The following SV2C variants were observed in gnomAD, a reference collection of about 807,000 sequenced individuals.
SV2C encodes solute carrier family 22 member B3.
Under a neutral mutation model 79.7 loss-of-function variants are expected in SV2C, and 49 were observed. The observed-to-expected ratio is 0.61, with a 90% confidence interval of 0.49 to 0.78. SV2C has a LOEUF of 0.78. Ranked by LOEUF, SV2C falls within the 30% of genes least tolerant of loss-of-function variation. The probability of loss-of-function intolerance (pLI) is 0.00; values close to 1 mark genes in which losing one functional copy is unlikely to be tolerated. For missense variants in SV2C, 833 were observed against 912.9 expected, an observed-to-expected ratio of 0.91 and a Z score of 1.13; for synonymous variants, 334 against 333.2, an observed-to-expected ratio of 1.00 and a Z score of -0.03.
chr5:76,275,804 T>C (rs1036322521), intron 4 of SV2C, among the ~76,000 whole-genome samples: 2 of 152,232 alleles, frequency 1.3e-5, no homozygotes, highest in Non-Finnish European at 1.5e-5. Flanking sequence ...TTCTGTAAAA[T>C]TGAGATCCTT....
rs115569927 is a variant in SV2C, at chr5:76,167,890, C to G, written c.581-27029C>G. The stretch of plus-strand genomic sequence containing the variant: ...ACCCTTTTTTAGTCCTAAAATGATA[C>G]AGGAAAGTCAGGAGCTCAGTATGTG... On this transcript the variant is annotated intron_variant, in intron 2 of 12. Transcript: ENST00000502798. Among the ~76,000 whole-genome samples the G allele has an allele frequency of 9.8e-3, 1,495 of 152,234 alleles. 21 individuals carry two copies. The highest frequency in any genetic ancestry group is 0.034 in the African/African-American group (1,396 of 41,540).
chr5:75,980,022 A>G, the SV2C span, among the ~76,000 whole-genome samples: 3 of 152,218 alleles, frequency 2.0e-5, no homozygotes, highest in African/African-American at 4.8e-5. Context: ...AACACGATCA[A>G]TATGATAAGG....
chr5:75,925,688 A>G, the SV2C span, among the ~76,000 whole-genome samples: 8 of 152,248 alleles, frequency 5.3e-5, no homozygotes, highest in Admixed American at 3.3e-4. Flanking sequence ...GTTCCTCTTT[A>G]ATATTTTCTA....
chr5:76,245,717 G>A (rs1289048266), intron 4 of SV2C, among the ~76,000 whole-genome samples: 1 of 152,142 alleles, frequency 6.6e-6, no homozygotes, highest in African/African-American at 2.4e-5. Context: ...TTGAAATTGG[G>A]AGCGAATTGC....
rs1189181067 is a variant in SV2C at position 76,300,874 on chromosome 5, G to A, written c.1782G>A (p.Leu594=). 3 of 1,614,118 alleles carry A rather than the reference G, an allele frequency of 1.9e-6. No homozygotes were observed. In the South Asian group the frequency reaches 3.3e-5, roughly 18 times the overall value. The change falls in exon 11 of 13, where the codon TTG becomes TTA. Residue 594 remains leucine, a synonymous_variant. Transcript: ENST00000502798. ...FVNFLGTLAV[L]PGNIVSALLM... ...ACTTTCTGGGGACATTGGCAGTATTGCCAGGGAACATTGTGTCTGCTCTGC... is the reference window on the plus strand; with the variant it reads ...ACTTTCTGGGGACATTGGCAGTATTACCAGGGAACATTGTGTCTGCTCTGC...
chr5:75,972,718 C>T, the SV2C span, among the ~76,000 whole-genome samples: 1 of 152,078 alleles, frequency 6.6e-6, no homozygotes, highest in Admixed American at 6.5e-5. Flanking sequence ...AACACTTTTA[C>T]ACTCTTGGTG....
the SV2C span, among the ~76,000 whole-genome samples, chr5:75,992,909 T>G: frequency 6.6e-6 from 1 of 151,994 alleles, no homozygotes; most frequent in Admixed American, 6.6e-5. Context: ...GAAGTGATAC[T>G]GGCAAAAACC....
the SV2C span, among the ~76,000 whole-genome samples, chr5:76,014,119 A>G: frequency 3.3e-5 from 5 of 151,148 alleles, no homozygotes. Context: ...TGAAAGAGAA[A>G]GAGAGAGAGA....
intron 4 of SV2C, among the ~76,000 whole-genome samples, chr5:76,267,304 T>C (rs1267452916): frequency 6.6e-6 from 1 of 152,186 alleles, no homozygotes; most frequent in Non-Finnish European, 1.5e-5. Flanking sequence ...TTTGGAAATT[T>C]ATGGTTAATG....
the SV2C span, among the ~76,000 whole-genome samples, chr5:75,967,324 G>A: frequency 6.6e-6 from 1 of 152,204 alleles, no homozygotes; most frequent in East Asian, 1.9e-4. Flanking sequence ...GACAGTGGGT[G>A]CAGAACAGTG....
intron 4 of SV2C, among the ~76,000 whole-genome samples, chr5:76,245,168 T>C (rs965805410): frequency 6.6e-6 from 1 of 152,228 alleles, no homozygotes; most frequent in Non-Finnish European, 1.5e-5. Flanking sequence ...ATATTTGCAT[T>C]TCCCCCGAGT....
the SV2C span, among the ~76,000 whole-genome samples, chr5:75,903,515 G>A: frequency 2.0e-5 from 3 of 151,994 alleles, no homozygotes; most frequent in Admixed American, 6.6e-5. Context: ...CAGCCATCCC[G>A]AACTTTTCTT....
the SV2C span, among the ~76,000 whole-genome samples, chr5:75,941,866 C>T: frequency 6.6e-6 from 1 of 152,120 alleles, no homozygotes; most frequent in Non-Finnish European, 1.5e-5. Flanking sequence ...GTCATAAGAC[C>T]TTCATTTCAG....
At chr5:75,963,330 G>C in the SV2C span, among the ~76,000 whole-genome samples, 2 of 152,094 alleles carry the variant, frequency 1.3e-5, no homozygotes, top group African/African-American at 4.8e-5. Flanking sequence ...GAATTCCTTA[G>C]AAAGAGTGTA....
intron 2 of SV2C, among the ~76,000 whole-genome samples, chr5:76,163,168 T>C (rs574424726): frequency 6.6e-6 from 1 of 152,098 alleles, no homozygotes; most frequent in South Asian, 2.1e-4. Flanking sequence ...GGTCCCCTTC[T>C]CCTCTTTGAG....
intron 12 of SV2C, among the ~76,000 whole-genome samples, chr5:76,314,509 A>G (rs1341325825): frequency 6.6e-6 from 1 of 152,222 alleles, no homozygotes; most frequent in Non-Finnish European, 1.5e-5. Flanking sequence ...CCAGAAAAAT[A>G]GCTGGATAAT....
At chr5:76,302,193 G>A (rs1219623408) in intron 12 of SV2C, among the ~76,000 whole-genome samples, 1 of 152,164 alleles carries the variant, frequency 6.6e-6, no homozygotes, top group African/African-American at 2.4e-5. Context: ...TGGCTAACCA[G>A]TCCTTAGAGG....
At chr5:75,935,812 G>A in the SV2C span, among the ~76,000 whole-genome samples, 1 of 152,146 alleles carries the variant, frequency 6.6e-6, no homozygotes, top group Non-Finnish European at 1.5e-5. Context: ...CTGTGGTGAG[G>A]AAGTAAAAGG....
At chr5:76,209,995 C>A in intron 4 of SV2C, 108 bp downstream of exon 4, 1 of 1,287,000 alleles carries the variant, frequency 7.8e-7, no homozygotes, top group Non-Finnish European at 1.1e-6. Flanking sequence ...AACTACTCAT[C>A]ATCATGTTTC....
Sources: gnomAD v4.1 joint callset for allele counts (sites outside exome capture counted in the v4.1 genomes callset) on GRCh38, gnomAD v4.1.1 for gene constraint, MANE v1.5 for transcripts, NCBI Gene and HGNC (gene_info 2026-07-23, HGNC 2026-07-21) for gene names.